The following TENM2 variants were observed in gnomAD, a reference collection of about 807,000 sequenced individuals.
The protein encoded by TENM2 is teneurin-2.
Under a neutral mutation model 245.2 loss-of-function variants are expected in TENM2, and 52 were observed. That is an observed-to-expected ratio of 0.21 (90% CI 0.17 to 0.27). TENM2 has a LOEUF of 0.27. Ranked by LOEUF, TENM2 falls within the 10% of genes least tolerant of loss-of-function variation. The pLI is 1.00. For missense variants in TENM2, 3,046 were observed against 3,666.8 expected, an observed-to-expected ratio of 0.83 and a Z score of 4.37; for synonymous variants, 1,363 against 1,438.9, an observed-to-expected ratio of 0.95 and a Z score of 1.19.
At chr5:167,894,191 A>T (rs1184006805) in intron 3 of TENM2, among the ~76,000 whole-genome samples, 2 of 152,132 alleles carry the variant, frequency 1.3e-5, no homozygotes, top group African/African-American at 4.8e-5. Context: ...TGATGGATGG[A>T]TGGATGGATG....
intron 7 of TENM2, among the ~76,000 whole-genome samples, chr5:168,072,823 T>C (rs1011270582): frequency 4.6e-5 from 7 of 152,164 alleles, no homozygotes; most frequent in Admixed American, 6.5e-5. Flanking sequence ...ACAACACTTA[T>C]AGCGCACTCT....
At chr5:167,856,781 T>C (rs1771136769) in intron 2 of TENM2, among the ~76,000 whole-genome samples, 1 of 152,218 alleles carries the variant, frequency 6.6e-6, no homozygotes, top group Non-Finnish European at 1.5e-5. Flanking sequence ...TACTTCCCAC[T>C]GAATGCCAAA....
At chr5:168,221,834 A>T (rs1763695504) in intron 23 of TENM2, among the ~76,000 whole-genome samples, 1 of 152,200 alleles carries the variant, frequency 6.6e-6, no homozygotes. Context: ...TCTTAGGACC[A>T]GGATGACAGG....
chr5:167,987,119 T>G (rs1390440442), intron 4 of TENM2, among the ~76,000 whole-genome samples: 2 of 152,138 alleles, frequency 1.3e-5, no homozygotes, highest in Non-Finnish European at 2.9e-5. Flanking sequence ...GATGAGATCT[T>G]TTTGCTGAAT....
At chr5:166,990,759 T>A in the TENM2 span, among the ~76,000 whole-genome samples, 113 of 152,334 alleles carry the variant, frequency 7.4e-4, no homozygotes, top group African/African-American at 2.6e-3. Flanking sequence ...ATTTTTTACT[T>A]TTCTGTTAAA....
At chr5:167,403,510 C>T (rs775323502) in intron 2 of TENM2, among the ~76,000 whole-genome samples, 18 of 152,076 alleles carry the variant, frequency 1.2e-4, no homozygotes, top group Admixed American at 3.3e-4. Flanking sequence ...GTCAATGCTT[C>T]GCAGGTCTTC....
chr5:167,731,548 T>A (rs1033785246), intron 2 of TENM2, among the ~76,000 whole-genome samples: 3 of 151,244 alleles, frequency 2.0e-5, no homozygotes, highest in Admixed American at 6.6e-5. Flanking sequence ...TAGTTTAGTT[T>A]TCTTTGTAAC....
intron 12 of TENM2, among the ~76,000 whole-genome samples, chr5:168,159,225 T>G (rs897797244): frequency 1.3e-5 from 2 of 152,228 alleles, no homozygotes; most frequent in Admixed American, 6.5e-5. Flanking sequence ...CAAAATTGCC[T>G]TAGTTGAGAA....
At chr5:167,481,999 C>T (rs192880108) in intron 2 of TENM2, among the ~76,000 whole-genome samples, 104 of 152,232 alleles carry the variant, frequency 6.8e-4, no homozygotes, top group African/African-American at 2.3e-3. Flanking sequence ...TGATGGAGCA[C>T]TGAGTGCATG....
intron 12 of TENM2, among the ~76,000 whole-genome samples, chr5:168,139,275 T>C (rs1755329884): frequency 6.6e-6 from 1 of 152,224 alleles, no homozygotes; most frequent in Admixed American, 6.5e-5. Flanking sequence ...TCATTAAAAT[T>C]TGATTTTCCC....
At chr5:167,215,771 T>C in the TENM2 span, among the ~76,000 whole-genome samples, 1 of 152,238 alleles carries the variant, frequency 6.6e-6, no homozygotes, top group Non-Finnish European at 1.5e-5. Flanking sequence ...TTTCAGTGTA[T>C]ACACTGGGCC....
chr5:168,155,762 A>G (rs950617753), intron 12 of TENM2, among the ~76,000 whole-genome samples: 1 of 152,136 alleles, frequency 6.6e-6, no homozygotes, highest in Non-Finnish European at 1.5e-5. Context: ...ACCACTAACT[A>G]TGATAGCTGT....
At chr5:167,088,991 G>A in the TENM2 span, among the ~76,000 whole-genome samples, 15 of 152,204 alleles carry the variant, frequency 9.9e-5, no homozygotes, top group Admixed American at 8.5e-4. Flanking sequence ...TTATTTAGAC[G>A]CAGTTTCGTT....
intron 7 of TENM2, chr5:168,088,429 A>C (rs1030598705): frequency 6.6e-6 from 1 of 152,354 alleles, no homozygotes; most frequent in Non-Finnish European, 1.5e-5. Context: ...TGGGGTAGAG[A>C]GAAGCTAAAC....
At chr5:167,882,792 G>A (rs1036743389) in intron 3 of TENM2, among the ~76,000 whole-genome samples, 11 of 152,110 alleles carry the variant, frequency 7.2e-5, no homozygotes, top group African/African-American at 2.7e-4. Flanking sequence ...TGGGGATTAT[G>A]GGAATTACAA....
intron 5 of TENM2, among the ~76,000 whole-genome samples, chr5:168,013,434 T>C (rs1785415292): frequency 6.6e-6 from 1 of 152,040 alleles, no homozygotes; most frequent in South Asian, 2.1e-4. Context: ...TGAAACCCCA[T>C]CTCTACTAAA....
chr5:167,942,598 C>A (rs1779272006), intron 3 of TENM2, among the ~76,000 whole-genome samples: 1 of 152,176 alleles, frequency 6.6e-6, no homozygotes, highest in South Asian at 2.1e-4. Context: ...GCTGATAACA[C>A]ACTGGCCTCC....
Position 167,991,507 on chromosome 5 carries a change from A to C in TENM2, c.948-1437A>C, listed in dbSNP as rs147951154. ...AACAAGGTCTAGCAAGTCACATTTG[A>C]AGTCTTGTAAGTGGCATGTATAAGA... is the stretch of plus-strand genomic sequence containing the variant. On this transcript the variant is annotated intron_variant, in intron 4 of 28. Transcript: ENST00000518659. 2.3e-4 allele frequency among the ~76,000 whole-genome samples: 35 copies of C among 152,324 alleles called. 1 individual carries two copies. In the East Asian group the frequency reaches 6.2e-3, roughly 27 times the overall value.
At chr5:167,567,807 C>T (rs899341067) in intron 2 of TENM2, among the ~76,000 whole-genome samples, 2 of 152,188 alleles carry the variant, frequency 1.3e-5, no homozygotes, top group African/African-American at 4.8e-5. Context: ...TGTATTTTAA[C>T]AACAGTTTTT....
Sources: gnomAD v4.1 joint callset for allele counts (sites outside exome capture counted in the v4.1 genomes callset) on GRCh38, gnomAD v4.1.1 for gene constraint, MANE v1.5 for transcripts, NCBI Gene and HGNC (gene_info 2026-07-23, HGNC 2026-07-21) for gene names.